PLEKHM3: variants seen among roughly 807,000 people sequenced by gnomAD.
PLEKHM3 encodes pleckstrin homology domain-containing family M member 3.
A neutral mutation model predicts 81.8 loss-of-function variants in PLEKHM3; 45 were observed. The observed-to-expected ratio is 0.55, with a 90% confidence interval of 0.43 to 0.71. PLEKHM3 has a LOEUF of 0.71. PLEKHM3 is among the 30% of genes least tolerant of loss of function. The pLI is 0.00. For synonymous variants in PLEKHM3, 352 were observed against 356.4 expected (o/e 0.99, Z 0.14); for missense variants, 788 against 924.3 (o/e 0.85, Z 1.91).
intron 5 of PLEKHM3, among the ~76,000 whole-genome samples, chr2:207,920,626 C>T (rs1574406981): frequency 2.0e-5 from 3 of 148,672 alleles, no homozygotes; most frequent in Admixed American, 1.3e-4. Context: ...TTTTAAAAAG[C>T]TGTTTGATTT....
At position 207,828,313 on chromosome 2, in the gene PLEKHM3, C is replaced by A. The variant is rs754444607; in HGVS notation, c.*6G>T. The stretch of plus-strand genomic sequence containing the variant: ...GGTGAATCCCTGGCCTTCGGGTCGG[C>A]TGGAGTCAGGTGTTCTGGTAGGACA... On this transcript the variant is annotated 3_prime_UTR_variant, in exon 8 of 8. Coordinates refer to ENST00000427836, the MANE Select transcript of PLEKHM3 (RefSeq NM_001080475.3). 6.2e-7 allele frequency: 1 copy of A among 1,603,492 alleles called. No homozygotes were observed.
intron 5 of PLEKHM3, among the ~76,000 whole-genome samples, chr2:207,918,323 C>T (rs13401720): frequency 0.045 from 6,813 of 152,180 alleles, 486 homozygotes; most frequent in African/African-American, 0.15. Flanking sequence ...GAGATCAAGA[C>T]CTTCCTGGCT....
chr2:207,949,261 G>C (rs1690250087), intron 3 of PLEKHM3, among the ~76,000 whole-genome samples: 1 of 152,186 alleles, frequency 6.6e-6, no homozygotes, highest in African/African-American at 2.4e-5. Flanking sequence ...AGGAACCATG[G>C]AACTGGCTAG....
rs997850522 is a variant in PLEKHM3, at chr2:207,932,965, T to G, written c.1693-1846A>C. On this transcript the variant is annotated intron_variant, in intron 4 of 7. Coordinates refer to ENST00000427836, the MANE Select transcript of PLEKHM3 (RefSeq NM_001080475.3). The stretch of plus-strand genomic sequence containing the variant: ...TCATTTTCTTATATTGCAAAGCTTA[T>G]ACCAAAGTTTATGTTCTTTATAGGA... Among the ~76,000 whole-genome samples the G allele has an allele frequency of 1.3e-5, 2 of 152,354 alleles. 1 individual carries two copies. Among genetic ancestry groups the G allele is most frequent in the South Asian group, 4.1e-4 (2 of 4,834 alleles).
intron 7 of PLEKHM3, among the ~76,000 whole-genome samples, chr2:207,838,596 C>T (rs896351429): frequency 6.6e-6 from 1 of 152,156 alleles, no homozygotes; most frequent in African/African-American, 2.4e-5. Context: ...CAGTTATATT[C>T]TAAGTATGTG....
intron 4 of PLEKHM3, among the ~76,000 whole-genome samples, chr2:207,934,108 G>T (rs7570645): frequency 0.2 from 30,388 of 152,106 alleles, 3,624 homozygotes; most frequent in Middle Eastern, 0.34. Flanking sequence ...TAAAAAAAAA[G>T]TTACTTAGGA....
intron 5 of PLEKHM3, among the ~76,000 whole-genome samples, chr2:207,911,756 G>C (rs1033277049): frequency 6.6e-6 from 1 of 152,210 alleles, no homozygotes; most frequent in African/African-American, 2.4e-5. Flanking sequence ...CCAGTAAGCG[G>C]GCTGCAAAAT....
chr2:207,913,994 C>T (rs1049545957), intron 5 of PLEKHM3, among the ~76,000 whole-genome samples: 1 of 151,968 alleles, frequency 6.6e-6, no homozygotes, highest in African/African-American at 2.4e-5. Context: ...CACACACACC[C>T]CACACACAGT....
At chr2:207,862,950 G>A (rs1348386816) in intron 6 of PLEKHM3, among the ~76,000 whole-genome samples, 1 of 152,214 alleles carries the variant, frequency 6.6e-6, no homozygotes, top group Non-Finnish European at 1.5e-5. Context: ...CCAAGGCTAG[G>A]CTTTGGGTCC....
intron 7 of PLEKHM3, among the ~76,000 whole-genome samples, chr2:207,858,541 G>A (rs1028062145): frequency 1.3e-5 from 2 of 151,504 alleles, no homozygotes; most frequent in African/African-American, 4.9e-5. Flanking sequence ...GCAGTGAGTG[G>A]CATGATCTCT....
chr2:207,874,601 CT>C (rs1015728975), intron 6 of PLEKHM3, among the ~76,000 whole-genome samples: 1 of 145,730 alleles, frequency 6.9e-6, no homozygotes, highest in African/African-American at 2.7e-5. Flanking sequence ...ACTGTATTTT[CT>C]TTTTTTTGAG....
intron 1 of PLEKHM3, among the ~76,000 whole-genome samples, chr2:208,021,451 C>T (rs2106133284): frequency 6.6e-6 from 1 of 152,238 alleles, no homozygotes; most frequent in Middle Eastern, 3.4e-3. Flanking sequence ...TATTTTCAAT[C>T]TTTTCAATTA....
chr2:207,911,556 G>A lies in PLEKHM3; in HGVS notation c.1887-2979C>T, dbSNP rs189513930. Among the ~76,000 whole-genome samples the A allele has an allele frequency of 1.6e-3, 247 of 152,306 alleles. 1 individual carries two copies. The highest frequency in any genetic ancestry group is 5.6e-3 in the African/African-American group (233 of 41,556). On this transcript the variant is annotated intron_variant, in intron 5 of 7. Transcript: ENST00000427836. ...ATCCAAGGGCCCAAACTTATCTGCA[G>A]GAAAGGAAAACTAGGGCAGTCTTTC...
chr2:207,984,868 C>G (rs899316300), intron 2 of PLEKHM3, among the ~76,000 whole-genome samples: 13 of 151,962 alleles, frequency 8.6e-5, no homozygotes, highest in Admixed American at 7.2e-4. Flanking sequence ...CTGAGTGTAT[C>G]TTCACAGAAT....
intron 6 of PLEKHM3, among the ~76,000 whole-genome samples, chr2:207,879,468 C>G (rs2092575819): frequency 6.6e-6 from 1 of 152,234 alleles, no homozygotes; most frequent in Non-Finnish European, 1.5e-5. Flanking sequence ...TGCATTCAAC[C>G]TTTGCATTCA....
rs375300884 is a variant in PLEKHM3, at chr2:207,930,891, A to G, written c.1886+35T>C. 6.3e-6 allele frequency: 10 copies of G among 1,599,174 alleles called. No individual in the cohort carries two copies. The African/African-American group carries it at 1.2e-4, about 19-fold the overall frequency. ...CACCCTCCGTGGGCGGGAAAGAAAA[A>G]CAAACGGGAGCCGTCTGAGATTTAT... On this transcript the variant is annotated intron_variant, in intron 5 of 7. Coordinates refer to ENST00000427836, the MANE Select transcript of PLEKHM3 (RefSeq NM_001080475.3).
intron 2 of PLEKHM3, among the ~76,000 whole-genome samples, chr2:207,990,984 CT>C (rs764500169): frequency 2.6e-5 from 4 of 152,194 alleles, no homozygotes; most frequent in Admixed American, 2.0e-4. Flanking sequence ...CCATCCAGTT[CT>C]TTGCTATGGG....
intron 6 of PLEKHM3, chr2:207,868,828 G>A (rs2092517189): frequency 6.6e-6 from 1 of 152,024 alleles, no homozygotes; most frequent in African/African-American, 2.4e-5. Flanking sequence ...CTGTTTGGAT[G>A]GGATCAGTAG....
At chr2:207,938,336 C>A (rs182416713) in intron 4 of PLEKHM3, among the ~76,000 whole-genome samples, 1 of 152,108 alleles carries the variant, frequency 6.6e-6, no homozygotes, top group South Asian at 2.1e-4. Flanking sequence ...AGAAAATAGA[C>A]GAAATCCTGC....
Sources: allele counts gnomAD v4.1 joint callset (sites outside exome capture counted in the v4.1 genomes callset), GRCh38; gene constraint gnomAD v4.1.1; transcripts MANE v1.5; gene names NCBI Gene and HGNC (gene_info 2026-07-23, HGNC 2026-07-21).